The following CSMD1 variants were observed in gnomAD, a reference collection of about 807,000 sequenced individuals.
The protein encoded by CSMD1 is CUB and Sushi multiple domains 1, also known as CUB and sushi domain-containing protein 1.
CSMD1 carries 213 observed loss-of-function variants against 417.5 expected under a neutral mutation model. The ratio of observed to expected loss-of-function variants is 0.51; its 90% CI spans 0.46 to 0.57. CSMD1 has a LOEUF of 0.57. Among genes scored for constraint, CSMD1 ranks in the 20% least tolerant of loss-of-function variants. The pLI, the probability that CSMD1 is intolerant of heterozygous loss-of-function variation, is 0.00. For missense variants in CSMD1, 6,923 were observed against 4,529.7 expected (o/e 1.53, Z -15.17); for synonymous variants, 2,862 against 1,736.8 (o/e 1.65, Z -16.11).
chr8:3,183,659 C>A (rs1273834474), intron 36 of CSMD1, among the ~76,000 whole-genome samples: 1 of 152,162 alleles, frequency 6.6e-6, no homozygotes, highest in Non-Finnish European at 1.5e-5. Flanking sequence ...ACGAACTGAA[C>A]GCCTAATCTA....
intron 5 of CSMD1, among the ~76,000 whole-genome samples, chr8:3,777,997 C>A (rs1798984666): frequency 1.3e-5 from 2 of 152,230 alleles, no homozygotes; most frequent in African/African-American, 4.8e-5. Context: ...AGTACCCACT[C>A]CAGACCTGCA....
At chr8:4,212,502 CTTAT>C (rs572684078) in intron 3 of CSMD1, among the ~76,000 whole-genome samples, 2 of 151,966 alleles carry the variant, frequency 1.3e-5, no homozygotes, top group South Asian at 4.2e-4. Context: ...GATCCTAAAG[CTTAT>C]TTAGATTAGA....
At chr8:4,336,808 G>A (rs6558861) in intron 3 of CSMD1, among the ~76,000 whole-genome samples, 8,450 of 152,112 alleles carry the variant, frequency 0.056, 702 homozygotes, top group African/African-American at 0.18. Context: ...TGAAAGGCAG[G>A]CTCTCAGTAA....
intron 26 of CSMD1, among the ~76,000 whole-genome samples, chr8:3,269,893 C>T (rs1227448394): frequency 2.6e-5 from 4 of 152,082 alleles, no homozygotes; most frequent in African/African-American, 4.8e-5. Context: ...CTCTAAAGCT[C>T]CTTTTTCTAG....
At chr8:4,066,842 C>G (rs915018752) in intron 3 of CSMD1, among the ~76,000 whole-genome samples, 1 of 152,212 alleles carries the variant, frequency 6.6e-6, no homozygotes, top group Non-Finnish European at 1.5e-5. Context: ...CACAAACACA[C>G]ACAGTAGCCT....
At chr8:4,870,975 G>T (rs1339752331) in intron 1 of CSMD1, among the ~76,000 whole-genome samples, 1 of 152,054 alleles carries the variant, frequency 6.6e-6, no homozygotes, top group Non-Finnish European at 1.5e-5. Flanking sequence ...AAGAGTCAGG[G>T]ACTCAGGGGA....
chr8:3,627,401 G>A (rs535213227), intron 7 of CSMD1, among the ~76,000 whole-genome samples: 7 of 152,160 alleles, frequency 4.6e-5, no homozygotes, highest in South Asian at 4.2e-4. Context: ...AAGAAATCAC[G>A]GCATATCACC....
chr8:3,131,818 A>C (rs1044073892), intron 41 of CSMD1, among the ~76,000 whole-genome samples: 1 of 152,186 alleles, frequency 6.6e-6, no homozygotes, highest in African/African-American at 2.4e-5. Flanking sequence ...AATGTAAGGA[A>C]ATGCTAAATA....
intron 1 of CSMD1, among the ~76,000 whole-genome samples, chr8:4,789,141 A>C (rs1476326497): frequency 1.3e-5 from 2 of 152,250 alleles, no homozygotes; most frequent in African/African-American, 2.4e-5. Flanking sequence ...AGTTCACTGA[A>C]AATGAAATAC....
rs1226219452 is a variant in CSMD1 at position 2,935,659 on chromosome 8, A to G, written c.*2926T>C. ...TTTAATAATTTTACAAATTCTTCAT[A>G]AAAAATATATCTCTGTACAAAAAGG... On this transcript the variant is annotated 3_prime_UTR_variant, in exon 70 of 70. Transcript: ENST00000635120. 1 of 152,200 alleles carries G rather than the reference A, an allele frequency of 6.6e-6. No homozygotes were observed. The highest frequency in any genetic ancestry group is 1.5e-5 in the Non-Finnish European group (1 of 68,026). 9.4% of individuals were successfully genotyped at this position (152,200 alleles called of 1,614,324 possible).
intron 7 of CSMD1, among the ~76,000 whole-genome samples, chr8:3,696,179 G>C (rs13253574): frequency 0.56 from 85,249 of 152,054 alleles, 24,024 homozygotes; most frequent in Admixed American, 0.64. Context: ...ATGTCACATG[G>C]TTGATGTTAT....
At chr8:3,331,920 G>C (rs1397940866) in intron 23 of CSMD1, among the ~76,000 whole-genome samples, 1 of 152,130 alleles carries the variant, frequency 6.6e-6, no homozygotes, top group East Asian at 1.9e-4. Context: ...GATCATTGTT[G>C]ACAGGTGACT....
intron 1 of CSMD1, among the ~76,000 whole-genome samples, chr8:4,786,470 A>G (rs1016697046): frequency 2.0e-5 from 3 of 152,230 alleles, no homozygotes; most frequent in Non-Finnish European, 4.4e-5. Flanking sequence ...TCTGTTGAAC[A>G]CCACAGATAT....
chr8:3,225,457 T>G (rs1176175403), intron 27 of CSMD1, among the ~76,000 whole-genome samples: 1 of 152,004 alleles, frequency 6.6e-6, no homozygotes, highest in Non-Finnish European at 1.5e-5. Flanking sequence ...CACAGGGCAG[T>G]GCCTCCTCAG....
intron 8 of CSMD1, among the ~76,000 whole-genome samples, chr8:3,597,838 G>T (rs1017414042): frequency 1.3e-5 from 2 of 152,256 alleles, no homozygotes; most frequent in East Asian, 1.9e-4. Flanking sequence ...GCCTGTCGGG[G>T]GGTTGGGGAC....
intron 26 of CSMD1, among the ~76,000 whole-genome samples, chr8:3,272,687 G>A (rs1242576701): frequency 1.4e-5 from 2 of 141,712 alleles, no homozygotes; most frequent in African/African-American, 2.7e-5. Context: ...TATTCTCTTC[G>A]AAGCAATTGT....
At position 3,351,439 on chromosome 8, in the gene CSMD1, C is replaced by T. The variant is rs141519717; in HGVS notation, c.3305-3278G>A. Among the ~76,000 whole-genome samples the T allele has an allele frequency of 5.8e-3, 876 of 151,490 alleles. 11 individuals carry two copies. The highest frequency in any genetic ancestry group is 0.02 in the African/African-American group (828 of 41,312). ...CAGCCTGGCCAACATGGTGAAATCC[C>T]GTCTCTACTAAAAATACAAAAATTA... is the stretch of plus-strand genomic sequence containing the variant. On this transcript the variant is annotated intron_variant, in intron 21 of 69. Transcript: ENST00000635120.
intron 7 of CSMD1, among the ~76,000 whole-genome samples, chr8:3,704,324 G>C (rs1801044088): frequency 6.6e-6 from 1 of 152,060 alleles, no homozygotes; most frequent in Non-Finnish European, 1.5e-5. Flanking sequence ...GAGCTCCCAG[G>C]AAAAATTTCC....
At chr8:3,027,788 G>A (rs1810049348) in intron 51 of CSMD1, among the ~76,000 whole-genome samples, 1 of 152,212 alleles carries the variant, frequency 6.6e-6, no homozygotes, top group South Asian at 2.1e-4. Context: ...AGACTTTCTA[G>A]AATTTCAGAA....
Sources: gnomAD v4.1 joint callset for allele counts (sites outside exome capture counted in the v4.1 genomes callset) on GRCh38, gnomAD v4.1.1 for gene constraint, MANE v1.5 for transcripts, NCBI Gene and HGNC (gene_info 2026-07-23, HGNC 2026-07-21) for gene names.